Variants in NBAS observed in about 807,000 individuals in gnomAD.
NBAS encodes the protein NAG/BC035112 fusion.
A neutral mutation model predicts 302.5 loss-of-function variants in NBAS; 219 were observed. The observed-to-expected ratio is 0.72, with a 90% CI of 0.65 to 0.81. The LOEUF (loss-of-function observed/expected upper bound fraction) is 0.81, where lower values mean the gene tolerates loss of function less well. Among genes scored for constraint, NBAS ranks in the 30% least tolerant of loss-of-function variants. The pLI, the probability that NBAS is intolerant of heterozygous loss-of-function variation, is 0.00. For missense variants in NBAS, 2,932 were observed against 2,841.6 expected (o/e 1.03, Z -0.72); for synonymous variants, 1,118 against 1,021.6 (o/e 1.09, Z -1.80).
the NBAS span, among the ~76,000 whole-genome samples, chr2:15,069,330 G>T: frequency 6.6e-6 from 1 of 152,202 alleles, no homozygotes. Flanking sequence ...GCCCAGCAGT[G>T]AAGCGGCTTT....
chr2:15,473,196 C>T (rs776346879), intron 16 of NBAS, 26 bp downstream of exon 16: 3 of 1,611,880 alleles, frequency 1.9e-6, no homozygotes, highest in Admixed American at 1.7e-5. Flanking sequence ...TACATTTTAC[C>T]ACATTACCAA....
chr2:15,002,342 A>G, the NBAS span, among the ~76,000 whole-genome samples: 2 of 151,720 alleles, frequency 1.3e-5, no homozygotes, highest in African/African-American at 2.4e-5. Context: ...GCATTCACAA[A>G]CCCTGAGCTA....
At chr2:14,843,855 C>A in the NBAS span, among the ~76,000 whole-genome samples, 49 of 152,206 alleles carry the variant, frequency 3.2e-4, no homozygotes, top group African/African-American at 1.2e-3. Context: ...TGATGCCCGC[C>A]AACAAAAGGA....
the NBAS span, among the ~76,000 whole-genome samples, chr2:15,038,734 C>T: frequency 1.3e-5 from 2 of 152,048 alleles, no homozygotes; most frequent in African/African-American, 4.8e-5. Context: ...AAAGTGACTG[C>T]GACCATGTGA....
intron 51 of NBAS, 90 bp from the exon 52 acceptor site, chr2:15,167,413 A>G: frequency 6.7e-7 from 1 of 1,487,164 alleles, no homozygotes; most frequent in Non-Finnish European, 9.2e-7. Flanking sequence ...GGCTGCCTTC[A>G]TCATCATTCA....
the NBAS span, among the ~76,000 whole-genome samples, chr2:14,829,259 A>G: frequency 6.6e-6 from 1 of 152,108 alleles, no homozygotes; most frequent in Non-Finnish European, 1.5e-5. Context: ...CTGCTTTGAA[A>G]GAGTTAGAAA....
chr2:15,113,366 C>G, the NBAS span, among the ~76,000 whole-genome samples: 1 of 54,362 alleles, frequency 1.8e-5, no homozygotes, highest in Non-Finnish European at 4.9e-5. Context: ...TGTGTGTATC[C>G]TAGCTCTATA....
chr2:15,206,332 T>C (rs1025870212), intron 48 of NBAS, among the ~76,000 whole-genome samples: 4 of 152,142 alleles, frequency 2.6e-5, no homozygotes, highest in African/African-American at 9.7e-5. Context: ...TACACTCATA[T>C]GCACAAAGAC....
the NBAS span, among the ~76,000 whole-genome samples, chr2:15,154,868 C>T: frequency 4.0e-5 from 6 of 151,132 alleles, no homozygotes; most frequent in Non-Finnish European, 8.8e-5. Context: ...GCAGCATCAC[C>T]GAAGCAGAAG....
chr2:14,995,680 G>A, the NBAS span, among the ~76,000 whole-genome samples: 7 of 152,180 alleles, frequency 4.6e-5, no homozygotes, highest in Admixed American at 2.0e-4. Context: ...AACATCTGCT[G>A]TTCTTCAGTT....
chr2:15,250,879 A>AT (rs1218321202), intron 44 of NBAS, among the ~76,000 whole-genome samples: 3 of 152,208 alleles, frequency 2.0e-5, no homozygotes, highest in Non-Finnish European at 4.4e-5. Flanking sequence ...AATTAGTTCG[A>AT]CCATGTGGAA....
chr2:15,467,603 C>T (rs564113914), intron 18 of NBAS, 61 bp downstream of exon 18: 7 of 1,497,930 alleles, frequency 4.7e-6, no homozygotes, highest in African/African-American at 4.1e-5. Context: ...TAGTAAGGAA[C>T]ACACTGAAAT....
intron 11 of NBAS, among the ~76,000 whole-genome samples, chr2:15,495,519 C>T (rs1431030985): frequency 6.6e-6 from 1 of 151,956 alleles, no homozygotes; most frequent in Non-Finnish European, 1.5e-5. Context: ...GAAAAAGAGA[C>T]TTAAAACACA....
At chr2:15,099,028 C>A in the NBAS span, among the ~76,000 whole-genome samples, 1 of 151,888 alleles carries the variant, frequency 6.6e-6, no homozygotes, top group African/African-American at 2.4e-5. Flanking sequence ...GATTTTAGGT[C>A]GGGGACCATG....
Position 15,218,872 on chromosome 2 carries a change from C to A in NBAS, c.6333G>T (p.Gln2111His), listed in dbSNP as rs1331160035. 1.9e-6 allele frequency: 3 copies of A among 1,614,154 alleles called. No homozygotes were observed. Among genetic ancestry groups the A allele is most frequent in the Admixed American group, 1.7e-5 (1 of 60,010 alleles). The change falls in exon 48 of 52, where the codon CAG becomes CAT. Residue 2111 changes from glutamine to histidine, a missense_variant. Physicochemically the swap from Gln to His is conservative, Grantham distance 24. Coordinates refer to ENST00000281513, the MANE Select transcript of NBAS (RefSeq NM_015909.4). The part of the protein sequence containing the change: ...WPVRPRIHVL[Q>H]ILGQSFHLTE... ...TCAGGTGAAATGATTGCCCCAAAAT[C>A]TGCAGCACGTGAATGCGGGGCCGCA...
chr2:15,217,894 G>A (rs547964517), intron 48 of NBAS, among the ~76,000 whole-genome samples: 4 of 152,216 alleles, frequency 2.6e-5, no homozygotes, highest in South Asian at 4.1e-4. Flanking sequence ...AATTAATAAC[G>A]ATAATAATTA....
At chr2:15,306,558 T>C (rs576281204) in intron 40 of NBAS, among the ~76,000 whole-genome samples, 17 of 152,160 alleles carry the variant, frequency 1.1e-4, no homozygotes, top group Non-Finnish European at 2.5e-4. Flanking sequence ...TAGATATGAT[T>C]TGGAAGGTTG....
intron 41 of NBAS, among the ~76,000 whole-genome samples, chr2:15,287,740 T>A (rs4668442): frequency 0.21 from 30,864 of 150,480 alleles, 4,097 homozygotes; most frequent in East Asian, 0.6. Flanking sequence ...CAGGTAGGCA[T>A]CCCCGCATAA....
At chr2:15,079,777 C>A in the NBAS span, among the ~76,000 whole-genome samples, 2 of 152,170 alleles carry the variant, frequency 1.3e-5, no homozygotes, top group African/African-American at 4.8e-5. Context: ...GTGTTGCAAC[C>A]TTCTAGCAGG....
Sources: allele counts gnomAD v4.1 joint callset (sites outside exome capture counted in the v4.1 genomes callset), GRCh38; gene constraint gnomAD v4.1.1; transcripts MANE v1.5; gene names NCBI Gene and HGNC (gene_info 2026-07-23, HGNC 2026-07-21).